Variants in TMEM62 observed in about 807,000 individuals in gnomAD.
The protein encoded by TMEM62 is transmembrane protein 62.
TMEM62 carries 41 observed loss-of-function variants against 70.4 expected under a neutral mutation model. That is an observed-to-expected ratio of 0.58 (90% CI 0.45 to 0.76). The LOEUF (loss-of-function observed/expected upper bound fraction) is 0.76. Ranked by LOEUF, TMEM62 falls within the 30% of genes least tolerant of loss-of-function variation. TMEM62 has a pLI of 0.00. For missense variants in TMEM62, 688 were observed against 788.5 expected, an observed-to-expected ratio of 0.87 and a Z score of 1.53; for synonymous variants, 268 against 291.0, an observed-to-expected ratio of 0.92 and a Z score of 0.80.
intron 11 of TMEM62, among the ~76,000 whole-genome samples, chr15:43,176,596 A>C (rs1375980871): frequency 6.6e-6 from 1 of 151,020 alleles, no homozygotes; most frequent in African/African-American, 2.5e-5. Context: ...GACCTCTAGC[A>C]AACTCCAACA....
At chr15:43,152,140 G>A (rs2037470958) in intron 8 of TMEM62, among the ~76,000 whole-genome samples, 195 bp downstream of exon 8, 1 of 152,070 alleles carries the variant, frequency 6.6e-6, no homozygotes, top group Non-Finnish European at 1.5e-5. Context: ...TTAAGCTGAT[G>A]AAATTTTAAA....
In TMEM62 at chr15:43,154,779, G is replaced by A; in HGVS notation, c.1130G>A (p.Trp377Ter). The A allele has an allele frequency of 1.2e-6, 2 of 1,613,882 alleles. No individual in the cohort carries two copies. Among genetic ancestry groups the A allele is most frequent in the Non-Finnish European group, 1.7e-6 (2 of 1,179,902 alleles). The change falls in exon 9 of 14, where the codon TGG becomes TAG. Residue 377 changes from tryptophan (W) to a stop codon, truncating the protein, a stop_gained. Coordinates refer to ENST00000260403, the MANE Select transcript of TMEM62 (RefSeq NM_024956.4). LOFTEE classifies it high-confidence loss of function. ...HVSGPIFVLK[W>*]NPRNYSSGTH... The stretch of plus-strand genomic sequence containing the variant: ...TCTGGTCCCATTTTCGTACTGAAGT[G>A]GAATCCTAGAAACTACAGTAGTGGG...
At chr15:43,136,187 G>A (rs1026088607) in intron 3 of TMEM62, among the ~76,000 whole-genome samples, 4 of 152,158 alleles carry the variant, frequency 2.6e-5, no homozygotes, top group African/African-American at 9.7e-5. Context: ...TGACATTCAG[G>A]AAAGGCAAAA....
chr15:43,184,843 A>T lies in TMEM62; in HGVS notation c.*257A>T. The T allele has an allele frequency of 3.8e-6, 2 of 529,628 alleles. No individual in the cohort carries two copies. The highest frequency in any genetic ancestry group is 5.1e-5 in the South Asian group (2 of 39,602). 32.8% of individuals were successfully genotyped at this position (529,628 alleles called of 1,614,324 possible). On this transcript the variant is annotated 3_prime_UTR_variant, in exon 14 of 14. Coordinates refer to ENST00000260403, the MANE Select transcript of TMEM62 (RefSeq NM_024956.4). ...AAAGAGTTGATTTACCTTTGTGAAG[A>T]GAAAACCCTTATCTAGGACATCCAC... is the stretch of plus-strand genomic sequence containing the variant.
At chr15:43,140,085 G>A (rs878986444) in intron 4 of TMEM62, among the ~76,000 whole-genome samples, 3 of 151,872 alleles carry the variant, frequency 2.0e-5, no homozygotes, top group South Asian at 4.2e-4. Flanking sequence ...TTTTTTTGTT[G>A]TTGTTGAGAA....
intron 8 of TMEM62, among the ~76,000 whole-genome samples, chr15:43,154,169 G>C (rs867333119): frequency 6.6e-6 from 1 of 152,236 alleles, no homozygotes; most frequent in Middle Eastern, 3.4e-3. Context: ...GTGTCAGTCA[G>C]GTTTTTTGGT....
intron 9 of TMEM62, chr15:43,160,176 C>G (rs1339373594): frequency 6.6e-6 from 1 of 152,066 alleles, no homozygotes; most frequent in African/African-American, 2.4e-5. Flanking sequence ...ACTATGTTGG[C>G]CAGGGTGGTC....
At chr15:43,166,720 G>C (rs1457146451) in intron 10 of TMEM62, among the ~76,000 whole-genome samples, 1 of 152,136 alleles carries the variant, frequency 6.6e-6, no homozygotes, top group East Asian at 1.9e-4. Context: ...CAGTTTTTGT[G>C]TCCCTGGGTA....
chr15:43,158,878 A>G (rs1014225251), intron 9 of TMEM62, among the ~76,000 whole-genome samples: 4 of 152,206 alleles, frequency 2.6e-5, no homozygotes, highest in Admixed American at 2.6e-4. Context: ...TTTAAAAAAT[A>G]TATTGATGTA....
At chr15:43,165,490 T>C (rs2039286782) in intron 10 of TMEM62, among the ~76,000 whole-genome samples, 1 of 152,106 alleles carries the variant, frequency 6.6e-6, no homozygotes, top group South Asian at 2.1e-4. Context: ...TCCCGGCACT[T>C]TGGGAGGCCG....
intron 2 of TMEM62, 43 bp downstream of exon 2, chr15:43,134,411 A>G (rs755480581): frequency 2.7e-6 from 4 of 1,484,762 alleles, no homozygotes; most frequent in South Asian, 2.3e-5. Flanking sequence ...TGTGGTCCGC[A>G]TGGTAGAACT....
intron 12 of TMEM62, 71 bp downstream of exon 12, chr15:43,178,782 GAC>G: frequency 1.2e-6 from 1 of 861,694 alleles, no homozygotes; most frequent in Admixed American, 2.5e-5. Context: ...AATAGAATTA[GAC>G]TCTTGAGGGT....
chr15:43,155,917 A>G (rs564158942), intron 9 of TMEM62, among the ~76,000 whole-genome samples: 34 of 152,174 alleles, frequency 2.2e-4, no homozygotes, highest in Non-Finnish European at 4.4e-4. Flanking sequence ...TTCTGATTCA[A>G]TTTAGGGCAT....
intron 12 of TMEM62, 190 bp from the exon 13 acceptor site, chr15:43,180,991 A>G (rs2041277600): frequency 1.8e-6 from 1 of 550,274 alleles, no homozygotes; most frequent in African/African-American, 1.9e-5. Context: ...TCACAATCCA[A>G]AAAATAGTTG....
chr15:43,133,799 C>A lies in TMEM62; in HGVS notation c.-4C>A, dbSNP rs900817675. 7.3e-6 allele frequency: 10 copies of A among 1,367,842 alleles called. No homozygotes were observed. The highest frequency in any genetic ancestry group is 2.7e-4 in the Middle Eastern group (1 of 3,730). 84.7% of individuals were successfully genotyped at this position (1,367,842 alleles called of 1,614,324 possible). ...CGAGGGCCGCGCCCCGGCGGGCGGG[C>A]GGCATGGCTGCAGTGCTGGCTCTCA... On this transcript the variant is annotated 5_prime_UTR_variant, in exon 1 of 14. Coordinates refer to ENST00000260403, the MANE Select transcript of TMEM62 (RefSeq NM_024956.4).
chr15:43,155,689 C>A (rs2037966543), intron 9 of TMEM62, among the ~76,000 whole-genome samples: 1 of 152,016 alleles, frequency 6.6e-6, no homozygotes, highest in Non-Finnish European at 1.5e-5. Context: ...AGAATCTTTT[C>A]ATAATAGGGG....
chr15:43,160,928 T>G, intron 10 of TMEM62, 134 bp downstream of exon 10: 1 of 419,948 alleles, frequency 2.4e-6, no homozygotes, highest in Non-Finnish European at 4.2e-6. Context: ...GAAAATATTA[T>G]ATATAATAAG....
chr15:43,165,245 TC>T (rs201992470), intron 10 of TMEM62, among the ~76,000 whole-genome samples: 1 of 99,318 alleles, frequency 1.0e-5, no homozygotes, highest in African/African-American at 2.5e-5. Context: ...TGTGCTTCAT[TC>T]TTTTTTTTTT....
intron 3 of TMEM62, among the ~76,000 whole-genome samples, chr15:43,138,011 C>T (rs1435149394): frequency 1.3e-5 from 2 of 152,226 alleles, no homozygotes; most frequent in Non-Finnish European, 2.9e-5. Flanking sequence ...GTACCACTGC[C>T]CAAGAAACCT....
Sources: gnomAD v4.1 joint callset for allele counts (sites outside exome capture counted in the v4.1 genomes callset) on GRCh38, gnomAD v4.1.1 for gene constraint, MANE v1.5 for transcripts, NCBI Gene and HGNC (gene_info 2026-07-23, HGNC 2026-07-21) for gene names.